NEGR1: variants seen among roughly 807,000 people sequenced by gnomAD.
The protein encoded by NEGR1 is IgLON family member 4.
Under a neutral mutation model 40.9 loss-of-function variants are expected in NEGR1, and 10 were observed. That is an observed-to-expected ratio of 0.24 (90% CI 0.15 to 0.42). NEGR1 has a LOEUF of 0.42. Among genes scored for constraint, NEGR1 ranks in the 10% least tolerant of loss-of-function variants. The probability of loss-of-function intolerance (pLI) is 1.00; values close to 1 mark genes in which losing one functional copy is unlikely to be tolerated. For missense variants in NEGR1, 352 were observed against 438.9 expected (o/e 0.80, Z 1.77); for synonymous variants, 185 against 166.8 (o/e 1.11, Z -0.84).
At chr1:71,898,929 AAT>A (rs1471025256) in intron 2 of NEGR1, among the ~76,000 whole-genome samples, 1 of 129,332 alleles carries the variant, frequency 7.7e-6, no homozygotes, top group Non-Finnish European at 1.6e-5. Flanking sequence ...TATATTTGCA[AAT>A]ATATATAATA....
At chr1:71,628,193 T>C (rs1474579799) in intron 4 of NEGR1, among the ~76,000 whole-genome samples, 2 of 152,050 alleles carry the variant, frequency 1.3e-5, no homozygotes, top group Non-Finnish European at 2.9e-5. Flanking sequence ...AGGTCAAGGA[T>C]AGATTAAAAT....
intron 6 of NEGR1, among the ~76,000 whole-genome samples, chr1:71,502,493 C>T (rs916077482): frequency 1.3e-5 from 2 of 152,108 alleles, no homozygotes; most frequent in East Asian, 3.9e-4. Context: ...TCAGTCCATT[C>T]TTTGGATTTG....
intron 3 of NEGR1, among the ~76,000 whole-genome samples, chr1:71,744,342 AAATAATAAT>A (rs3077144): frequency 3.6e-4 from 51 of 141,178 alleles, no homozygotes; most frequent in South Asian, 1.1e-3. Context: ...AGTACTCTGT[AAATAATAAT>A]AATAATAATA....
intron 6 of NEGR1, among the ~76,000 whole-genome samples, chr1:71,572,732 T>C (rs527249306): frequency 1.3e-5 from 2 of 152,230 alleles, no homozygotes; most frequent in Admixed American, 1.3e-4. Context: ...GAGTTATTAC[T>C]ATGGAAACAA....
At chr1:71,452,016 A>G (rs755884803) in intron 6 of NEGR1, among the ~76,000 whole-genome samples, 17 of 152,178 alleles carry the variant, frequency 1.1e-4, no homozygotes, top group Non-Finnish European at 2.4e-4. Flanking sequence ...GATGAACAAA[A>G]TTCCACTATA....
intron 1 of NEGR1, among the ~76,000 whole-genome samples, chr1:72,062,266 G>A (rs1206570133): frequency 1.3e-5 from 2 of 151,756 alleles, no homozygotes; most frequent in East Asian, 1.9e-4. Context: ...CAATTGGTAA[G>A]CTTCCTTCCA....
chr1:72,057,969 A>T (rs563378575), intron 1 of NEGR1, among the ~76,000 whole-genome samples: 1 of 151,662 alleles, frequency 6.6e-6, no homozygotes, highest in South Asian at 2.1e-4. Context: ...GCGCTTCAAG[A>T]TATGAGCTTT....
intron 2 of NEGR1, among the ~76,000 whole-genome samples, chr1:71,913,949 T>C (rs908700042): frequency 6.6e-6 from 1 of 152,056 alleles, no homozygotes; most frequent in Non-Finnish European, 1.5e-5. Flanking sequence ...CCCTCAGTGA[T>C]AAGCTTCTCT....
chr1:71,634,560 T>C (rs1346181049), intron 4 of NEGR1, among the ~76,000 whole-genome samples: 1 of 152,120 alleles, frequency 6.6e-6, no homozygotes, highest in Non-Finnish European at 1.5e-5. Flanking sequence ...AGATCCTGAG[T>C]TCCTAAATAG....
chr1:71,640,800 A>C (rs557306289), intron 4 of NEGR1, among the ~76,000 whole-genome samples: 2 of 151,984 alleles, frequency 1.3e-5, no homozygotes, highest in Non-Finnish European at 2.9e-5. Context: ...TTCTCTATTA[A>C]TAGATTGAAA....
chr1:71,608,044 G>C (rs989432592), intron 5 of NEGR1, among the ~76,000 whole-genome samples: 3 of 152,188 alleles, frequency 2.0e-5, no homozygotes, highest in African/African-American at 4.8e-5. Flanking sequence ...TGGTGAATCT[G>C]CATAGTGAGC....
intron 1 of NEGR1, among the ~76,000 whole-genome samples, chr1:72,253,208 T>C (rs373703842): frequency 2.6e-5 from 4 of 152,220 alleles, no homozygotes; most frequent in African/African-American, 9.6e-5. Flanking sequence ...TTGTCATCTC[T>C]TCCTATTGTC....
At chr1:71,756,040 G>C (rs1322580450) in intron 3 of NEGR1, among the ~76,000 whole-genome samples, 1 of 152,076 alleles carries the variant, frequency 6.6e-6, no homozygotes, top group Non-Finnish European at 1.5e-5. Context: ...ATGAAATTGA[G>C]TCTCACTGTT....
intron 1 of NEGR1, among the ~76,000 whole-genome samples, chr1:72,028,418 G>C (rs1464394048): frequency 6.6e-6 from 1 of 152,170 alleles, no homozygotes; most frequent in Non-Finnish European, 1.5e-5. Context: ...ACACATAAAA[G>C]TATGTTACTA....
At chr1:71,978,225 A>T (rs1374172172) in intron 1 of NEGR1, among the ~76,000 whole-genome samples, 1 of 152,186 alleles carries the variant, frequency 6.6e-6, no homozygotes, top group East Asian at 1.9e-4. Context: ...TATGAGACTG[A>T]GCAACAACTA....
intron 1 of NEGR1, among the ~76,000 whole-genome samples, chr1:72,056,783 A>G (rs941433468): frequency 6.6e-6 from 1 of 151,524 alleles, no homozygotes; most frequent in South Asian, 2.1e-4. Context: ...ATAGAACATG[A>G]AAGTTTTGTT....
chr1:71,903,191 C>T (rs1661186167), intron 2 of NEGR1, among the ~76,000 whole-genome samples: 2 of 151,928 alleles, frequency 1.3e-5, no homozygotes, highest in Non-Finnish European at 2.9e-5. Context: ...TCTCACCCAC[C>T]TTTGTACCCT....
At chr1:71,607,854 C>T (rs973266680) in intron 5 of NEGR1, among the ~76,000 whole-genome samples, 3 of 152,036 alleles carry the variant, frequency 2.0e-5, no homozygotes, top group Non-Finnish European at 2.9e-5. Context: ...CCACCATGCC[C>T]GGCTAATTTT....
intron 3 of NEGR1, chr1:71,703,541 T>TAGCCAACTTC (rs1553159808): frequency 6.8e-6 from 1 of 148,118 alleles, no homozygotes; most frequent in African/African-American, 2.5e-5. Flanking sequence ...CAGTTGGCTA[T>TAGCCAACTTC]AACTATGTTG....
Sources: gnomAD v4.1 joint callset for allele counts (sites outside exome capture counted in the v4.1 genomes callset) on GRCh38, gnomAD v4.1.1 for gene constraint, MANE v1.5 for transcripts, NCBI Gene and HGNC (gene_info 2026-07-23, HGNC 2026-07-21) for gene names.